Variants in MTA3 observed in about 807,000 individuals in gnomAD.
MTA3 encodes the protein metastasis-associated protein MTA3.
Under a neutral mutation model 83.5 loss-of-function variants are expected in MTA3, and 34 were observed. The observed-to-expected ratio is 0.41, with a 90% CI of 0.31 to 0.54. MTA3 has a LOEUF of 0.54. Among genes scored for constraint, MTA3 ranks in the 20% least tolerant of loss-of-function variants. MTA3 has a pLI of 0.33. For missense variants in MTA3, 761 were observed against 726.4 expected, an observed-to-expected ratio of 1.05 and a Z score of -0.55; for synonymous variants, 303 against 252.7, an observed-to-expected ratio of 1.20 and a Z score of -1.89.
chr2:42,683,996 A>G (rs1692162646), intron 9 of MTA3, among the ~76,000 whole-genome samples: 1 of 152,208 alleles, frequency 6.6e-6, no homozygotes, highest in East Asian at 1.9e-4. Flanking sequence ...TTCAAGGTAT[A>G]CAATATGATG....
intron 16 of MTA3, among the ~76,000 whole-genome samples, chr2:42,728,235 C>T (rs1420155997): frequency 6.6e-6 from 1 of 152,098 alleles, no homozygotes; most frequent in African/African-American, 2.4e-5. Flanking sequence ...ACATAATGTC[C>T]TCCAGCTTTA....
At chr2:42,525,791 G>A (rs530268959) in intron 2 of MTA3, among the ~76,000 whole-genome samples, 1 of 151,780 alleles carries the variant, frequency 6.6e-6, no homozygotes, top group African/African-American at 2.4e-5. Flanking sequence ...TCAAGAAGCT[G>A]GGACCACAGG....
At chr2:42,719,203 ATAG>A in intron 15 of MTA3, 129 bp downstream of exon 15, 1 of 633,996 alleles carries the variant, frequency 1.6e-6, no homozygotes, top group South Asian at 2.1e-5. Flanking sequence ...ATACCTTTAT[ATAG>A]TCAGTTTATT....
intron 2 of MTA3, among the ~76,000 whole-genome samples, chr2:42,524,934 G>A (rs777988397): frequency 1.3e-5 from 2 of 148,832 alleles, no homozygotes; most frequent in Non-Finnish European, 3.0e-5. Context: ...TTGAATTACC[G>A]AAGGTGAAGC....
chr2:42,686,378 A>C (rs1361716276), intron 9 of MTA3, among the ~76,000 whole-genome samples: 1 of 152,152 alleles, frequency 6.6e-6, no homozygotes, highest in Non-Finnish European at 1.5e-5. Context: ...GTTTTTATAA[A>C]TGCATACTCC....
intron 16 of MTA3, among the ~76,000 whole-genome samples, chr2:42,748,736 C>G (rs1291420904): frequency 1.3e-5 from 2 of 152,110 alleles, no homozygotes; most frequent in African/African-American, 4.8e-5. Context: ...TCTCACTGCG[C>G]CCAGCCAGTC....
At chr2:42,579,323 A>T in intron 3 of MTA3, 123 bp downstream of exon 3, 3 of 680,674 alleles carry the variant, frequency 4.4e-6, no homozygotes, top group Non-Finnish European at 7.4e-6. Context: ...TGTAGTTTTG[A>T]TGGGAGTAAA....
intron 2 of MTA3, among the ~76,000 whole-genome samples, chr2:42,556,047 G>C (rs1326815628): frequency 2.0e-5 from 3 of 152,072 alleles, no homozygotes; most frequent in Middle Eastern, 3.4e-3. Context: ...ATTCCAGCCT[G>C]GGCGACAGAG....
At chr2:42,510,124 A>G (rs1351513550) in intron 2 of MTA3, among the ~76,000 whole-genome samples, 1 of 151,988 alleles carries the variant, frequency 6.6e-6, no homozygotes, top group Admixed American at 6.6e-5. Context: ...TCAGGAGTTC[A>G]AGACCAGCCT....
chr2:42,535,195 T>A (rs1676170667), intron 2 of MTA3, among the ~76,000 whole-genome samples: 1 of 151,500 alleles, frequency 6.6e-6, no homozygotes, highest in South Asian at 2.1e-4. Flanking sequence ...GAGACCAGCC[T>A]GGCCAACATG....
chr2:42,748,089 C>T (rs1229698988), intron 16 of MTA3, among the ~76,000 whole-genome samples: 1 of 152,014 alleles, frequency 6.6e-6, no homozygotes, highest in African/African-American at 2.4e-5. Context: ...AGTGCAGTGG[C>T]GCGATCTCAG....
chr2:42,639,882 T>C (rs1011527038), intron 4 of MTA3, among the ~76,000 whole-genome samples: 4 of 152,198 alleles, frequency 2.6e-5, no homozygotes, highest in African/African-American at 9.7e-5. Flanking sequence ...ACTCTTTTTT[T>C]TTCTTGAATA....
At chr2:42,688,875 G>A (rs1028016058) in intron 9 of MTA3, among the ~76,000 whole-genome samples, 7 of 152,066 alleles carry the variant, frequency 4.6e-5, no homozygotes, top group African/African-American at 1.7e-4. Flanking sequence ...TTCAAAAGAA[G>A]TGATAAGAGC....
Position 42,742,768 on chromosome 2 carries a change from T to C in MTA3, c.1760-10606T>C, listed in dbSNP as rs1026479710. Among the ~76,000 whole-genome samples, 14 of 152,224 alleles carry C rather than the reference T, an allele frequency of 9.2e-5. 1 individual carries two copies. Among genetic ancestry groups the C allele is most frequent in the Admixed American group, 6.5e-5 (1 of 15,276 alleles). ...TTTTATTTGGAAAATTTCTAAGATATCAACCATTTTTATAGTCCTGAGAAC... is the reference window on the plus strand; with the variant it reads ...TTTTATTTGGAAAATTTCTAAGATACCAACCATTTTTATAGTCCTGAGAAC... On this transcript the variant is annotated intron_variant, in intron 16 of 16. Coordinates refer to ENST00000405094, the MANE Select transcript of MTA3 (RefSeq NM_001330442.2).
chr2:42,619,948 G>A (rs1465520760), intron 4 of MTA3, among the ~76,000 whole-genome samples: 3 of 152,060 alleles, frequency 2.0e-5, no homozygotes, highest in Non-Finnish European at 4.4e-5. Context: ...ACTTAAGAAT[G>A]TTCTTGGCAA....
intron 2 of MTA3, among the ~76,000 whole-genome samples, chr2:42,523,299 G>A (rs1675511859): frequency 6.6e-6 from 1 of 152,102 alleles, no homozygotes. Flanking sequence ...AAGGCTGCAT[G>A]TCCTGGGCAA....
At chr2:42,590,780 C>G (rs1226060618) in intron 3 of MTA3, among the ~76,000 whole-genome samples, 4 of 152,004 alleles carry the variant, frequency 2.6e-5, no homozygotes, top group Non-Finnish European at 4.4e-5. Context: ...ACCACCATGC[C>G]TGGCTAATTT....
chr2:42,499,762 T>A (rs1265301902), intron 2 of MTA3, among the ~76,000 whole-genome samples: 1 of 142,712 alleles, frequency 7.0e-6, no homozygotes, highest in African/African-American at 2.7e-5. Flanking sequence ...CACTACAGCC[T>A]AGGCAACAGA....
chr2:42,729,086 G>GTTTTTTGTTTTTTTTTTTTTTTTTT (rs1430675726), intron 16 of MTA3, among the ~76,000 whole-genome samples: 1 of 60,142 alleles, frequency 1.7e-5, no homozygotes, highest in Non-Finnish European at 3.0e-5. Context: ...CACAGTTTGA[G>GTTTTTTGTTTTTTTTTTTTTTTTTT]TTTTTTTTTT....
Sources: gnomAD v4.1 joint callset for allele counts (sites outside exome capture counted in the v4.1 genomes callset) on GRCh38, gnomAD v4.1.1 for gene constraint, MANE v1.5 for transcripts, NCBI Gene and HGNC (gene_info 2026-07-23, HGNC 2026-07-21) for gene names.